The following HERC2 variants were observed in gnomAD, a reference collection of about 807,000 sequenced individuals.
HERC2 encodes HECT and RLD domain containing E3 ubiquitin protein ligase 2, also known as E3 ubiquitin-protein ligase HERC2.
A neutral mutation model predicts 537.7 loss-of-function variants in HERC2; 102 were observed. That is an observed-to-expected ratio of 0.19 (90% CI 0.16 to 0.22). The LOEUF (loss-of-function observed/expected upper bound fraction) is 0.22. Ranked by LOEUF, HERC2 falls within the 10% of genes least tolerant of loss-of-function variation. HERC2 has a pLI of 1.00. For missense variants in HERC2, 4,236 were observed against 6,198.2 expected, an observed-to-expected ratio of 0.68 and a Z score of 10.63; for synonymous variants, 2,224 against 2,466.2, an observed-to-expected ratio of 0.90 and a Z score of 2.91.
At chr15:28,207,774 T>C (rs1391910542) in intron 44 of HERC2, among the ~76,000 whole-genome samples, 3 of 152,026 alleles carry the variant, frequency 2.0e-5, no homozygotes, top group African/African-American at 7.3e-5. Flanking sequence ...GAGCTGGAAA[T>C]CTTTCTCTTA....
chr15:28,265,613 C>T lies in HERC2; in HGVS notation c.1870+5G>A, dbSNP rs2075542642. ...CCTGTCCAGGGTGGCGAGAGCTCTA[C>T]GTACCGTTCTCAGTGACAGCCAGGG... On this transcript the variant is annotated splice_donor_5th_base_variant and intron_variant, in intron 14 of 92. Coordinates refer to ENST00000261609, the MANE Select transcript of HERC2 (RefSeq NM_004667.6). The surrounding 1 kb of genome is among the most constrained non-coding windows in gnomAD (Gnocchi z 4.0). 3.7e-6 allele frequency: 6 copies of T among 1,611,926 alleles called. No homozygotes were observed. The East Asian group carries it at 8.9e-5, about 24-fold the overall frequency.
At chr15:28,266,688 C>T (rs114757660) in intron 12 of HERC2, among the ~76,000 whole-genome samples, 1,737 of 152,224 alleles carry the variant, frequency 0.011, 29 homozygotes, top group African/African-American at 0.04. Flanking sequence ...CACTGTATGG[C>T]TTTGTTATAT....
At chr15:28,246,210 T>A in intron 22 of HERC2, 144 bp from the exon 23 acceptor site, 1 of 607,452 alleles carries the variant, frequency 1.6e-6, no homozygotes, top group Non-Finnish European at 2.8e-6. Flanking sequence ...ATCTTATATT[T>A]TATATTGAGA....
intron 52 of HERC2, 27 bp from the exon 53 acceptor site, chr15:28,192,178 T>C: frequency 6.3e-7 from 1 of 1,588,288 alleles, no homozygotes; most frequent in South Asian, 1.1e-5. Flanking sequence ...AAAAAGAGAA[T>C]TAACCCTTGC....
At chr15:28,188,373 T>C (rs1229350920) in intron 55 of HERC2, among the ~76,000 whole-genome samples, 2 of 152,020 alleles carry the variant, frequency 1.3e-5, no homozygotes, top group African/African-American at 4.8e-5. Flanking sequence ...ACCCCGTCTC[T>C]ACTAAAAATA....
At chr15:28,128,586 GC>G (rs1889755959) in intron 83 of HERC2, among the ~76,000 whole-genome samples, 2 of 152,218 alleles carry the variant, frequency 1.3e-5, no homozygotes, top group African/African-American at 4.8e-5. Context: ...AAGGGTGCAT[GC>G]TTATATAATT....
rs1891502871 is a variant in HERC2 at position 28,144,187 on chromosome 15, A to G, written c.11189T>C (p.Met3730Thr). Residue 3730 changes from methionine to threonine, a missense_variant, in exon 73 of 93, where the codon ATG becomes ACG. Met to Thr is a moderately conservative substitution (Grantham distance 81). Coordinates refer to ENST00000261609, the MANE Select transcript of HERC2 (RefSeq NM_004667.6). ...GTCTAACAGACACGTCACCAAGTCC[A>G]TGGATGGACAGGAGAGGACGCAGCG... Reference protein sequence around the residue: ...SDRCVLSCPSMDLVTCLLDFR... With the variant: ...SDRCVLSCPSTDLVTCLLDFR... 2 of 1,614,222 alleles carry G rather than the reference A, an allele frequency of 1.2e-6. No individual in the cohort carries two copies. Among genetic ancestry groups the G allele is most frequent in the Non-Finnish European group, 1.7e-6 (2 of 1,180,044 alleles).
chr15:28,138,972 A>C (rs1890921338), intron 78 of HERC2, among the ~76,000 whole-genome samples: 4 of 152,250 alleles, frequency 2.6e-5, no homozygotes, highest in African/African-American at 9.6e-5. Context: ...TGAGGGATTC[A>C]ACACGAGTGG....
intron 86 of HERC2, 74 bp downstream of exon 86, chr15:28,121,272 C>T (rs1321318376): frequency 2.7e-5 from 37 of 1,347,564 alleles, no homozygotes; most frequent in Admixed American, 5.1e-5. Context: ...CCAGCGCTCT[C>T]GTCCCAGCCC....
chr15:28,305,148 C>G (rs1229571097), intron 2 of HERC2, among the ~76,000 whole-genome samples: 1 of 142,750 alleles, frequency 7.0e-6, no homozygotes, highest in Non-Finnish European at 1.5e-5. Context: ...CAAGTCTTTG[C>G]TATTGTGAAT....
At chr15:28,148,391 T>C (rs376659586) in intron 70 of HERC2, among the ~76,000 whole-genome samples, 1 of 151,600 alleles carries the variant, frequency 6.6e-6, no homozygotes, top group East Asian at 1.9e-4. Flanking sequence ...AAAGAGAAAG[T>C]AACCAACATT....
intron 89 of HERC2, 104 bp from the exon 90 acceptor site, chr15:28,114,906 C>T (rs1888044876): frequency 1.1e-6 from 1 of 920,816 alleles, no homozygotes; most frequent in African/African-American, 1.7e-5. Flanking sequence ...CAGGGTCAGC[C>T]TCAAGTGCAT....
intron 83 of HERC2, among the ~76,000 whole-genome samples, chr15:28,128,770 C>T (rs1166362050): frequency 6.6e-6 from 1 of 152,180 alleles, no homozygotes; most frequent in African/African-American, 2.4e-5. Context: ...GGTCTGTCTC[C>T]CTTCCCAGAG....
intron 78 of HERC2, among the ~76,000 whole-genome samples, chr15:28,136,743 G>A (rs945553423): frequency 6.6e-6 from 1 of 152,182 alleles, no homozygotes; most frequent in East Asian, 1.9e-4. Context: ...TTTTGTAGTC[G>A]CAACAGAGAC....
intron 20 of HERC2, among the ~76,000 whole-genome samples, 167 bp downstream of exon 20, chr15:28,254,173 T>C (rs1259801032): frequency 6.6e-6 from 1 of 151,566 alleles, no homozygotes; most frequent in African/African-American, 2.4e-5. Flanking sequence ...ATCCCAGCTG[T>C]GTGAGAGGCT....
At chr15:28,162,443 T>C (rs1033091587) in intron 69 of HERC2, among the ~76,000 whole-genome samples, 1 of 152,106 alleles carries the variant, frequency 6.6e-6, no homozygotes, top group African/African-American at 2.4e-5. Flanking sequence ...ACTGACAGAT[T>C]TGACCACATA....
At position 28,131,217 on chromosome 15, in the gene HERC2, A is replaced by G. The variant is rs558972397; in HGVS notation, c.12571-623T>C. Among the ~76,000 whole-genome samples, 3 of 152,286 alleles carry G rather than the reference A, an allele frequency of 2.0e-5. No individual in the cohort carries two copies. The South Asian group carries it at 6.2e-4, about 32-fold the overall frequency. On this transcript the variant is annotated intron_variant, in intron 81 of 92. Transcript: ENST00000261609. The stretch of plus-strand genomic sequence containing the variant: ...GGCTCTAGTGTCTGGCCCTACCACA[A>G]TGGCATCGGGACGTCCTGCTCCAGC...
At chr15:28,272,154 T>G in intron 9 of HERC2, 61 bp downstream of exon 9, 1 of 1,444,784 alleles carries the variant, frequency 6.9e-7, no homozygotes, top group East Asian at 2.3e-5. Flanking sequence ...ATGCTAGTCT[T>G]GCTTTAAAAG....
In HERC2 at chr15:28,209,827, G is replaced by A. The variant is rs143474180; in HGVS notation, c.7069+1175C>T. 1.9e-3 allele frequency among the ~76,000 whole-genome samples: 289 copies of A among 151,476 alleles called. 3 individuals carry two copies. The highest frequency in any genetic ancestry group is 6.9e-3 in the Middle Eastern group (2 of 290). On this transcript the variant is annotated intron_variant, in intron 44 of 92. Coordinates refer to ENST00000261609, the MANE Select transcript of HERC2 (RefSeq NM_004667.6). ...TACCATCATTTTGAATGGCACCATGGTATCACACTGTATGGATACACAACA... is the reference window on the plus strand; with the variant it reads ...TACCATCATTTTGAATGGCACCATGATATCACACTGTATGGATACACAACA...
Sources: allele counts gnomAD v4.1 joint callset (sites outside exome capture counted in the v4.1 genomes callset), GRCh38; gene constraint gnomAD v4.1.1; non-coding constraint Gnocchi (gnomAD v3.1); transcripts MANE v1.5; gene names NCBI Gene and HGNC (gene_info 2026-07-23, HGNC 2026-07-21).